ANK3: variants seen among roughly 807,000 people sequenced by gnomAD.
ANK3 encodes the protein ankyrin-3.
ANK3 carries 57 observed loss-of-function variants against 370.9 expected under a neutral mutation model. That is an observed-to-expected ratio of 0.15 (90% CI 0.12 to 0.19). ANK3 has a LOEUF of 0.19. ANK3 is among the 10% of genes least tolerant of loss of function. The pLI is 1.00. For synonymous variants in ANK3, 1,929 were observed against 1,946.3 expected, an observed-to-expected ratio of 0.99 and a Z score of 0.23; for missense variants, 4,439 against 5,302.1, an observed-to-expected ratio of 0.84 and a Z score of 5.06.
chr10:60,089,266 A>G (rs2087541141), intron 28 of ANK3, among the ~76,000 whole-genome samples: 1 of 152,194 alleles, frequency 6.6e-6, no homozygotes, highest in African/African-American at 2.4e-5. Context: ...AGGGTTTACA[A>G]TCTGCTCATT....
At chr10:60,584,167 T>C (rs1436558771) in intron 2 of ANK3, among the ~76,000 whole-genome samples, 1 of 152,148 alleles carries the variant, frequency 6.6e-6, no homozygotes, top group East Asian at 1.9e-4. Context: ...GAGAGGAAGA[T>C]TGGGAATTAG....
intron 2 of ANK3, among the ~76,000 whole-genome samples, chr10:60,502,626 G>A (rs117285355): frequency 1.2e-3 from 184 of 152,076 alleles, no homozygotes; most frequent in East Asian, 7.7e-3. Flanking sequence ...GCTGCAGTGC[G>A]TGATGATTGT....
chr10:60,059,099 G>A (rs866779342), intron 41 of ANK3, among the ~76,000 whole-genome samples: 10 of 152,266 alleles, frequency 6.6e-5, no homozygotes, highest in Middle Eastern at 3.4e-3. Context: ...TAAAGACAAC[G>A]TATAAATCTT....
chr10:60,468,377 A>C (rs551507299), intron 2 of ANK3, among the ~76,000 whole-genome samples: 2 of 152,172 alleles, frequency 1.3e-5, no homozygotes, highest in Non-Finnish European at 2.9e-5. Flanking sequence ...TTAAGTAAAA[A>C]TGTGGAGAAG....
At chr10:60,036,536 C>T (rs1037289091) in intron 43 of ANK3, among the ~76,000 whole-genome samples, 11 of 146,482 alleles carry the variant, frequency 7.5e-5, no homozygotes, top group Non-Finnish European at 1.3e-4. Flanking sequence ...CCCAGGTTCA[C>T]GCCATTCTCC....
At chr10:60,187,048 T>C (rs2096357166) in intron 16 of ANK3, 136 bp from the exon 17 acceptor site, 2 of 806,664 alleles carry the variant, frequency 2.5e-6, no homozygotes, top group Non-Finnish European at 4.0e-6. Context: ...AAGCAAATAC[T>C]GGTAAACCAA....
Position 60,186,710 on chromosome 10 carries a change from G to T in ANK3, c.2085+5C>A, listed in dbSNP as rs746845905. 2 of 1,613,756 alleles carry T rather than the reference G, an allele frequency of 1.2e-6. No individual in the cohort carries two copies. The highest frequency in any genetic ancestry group is 4.5e-5 in the East Asian group (2 of 44,856). ...GCATGCTTTGTCAAGAAAGAAGTGG[G>T]TTACCTTATTGCTCAGGTTCACATT... On this transcript the variant is annotated splice_donor_5th_base_variant and intron_variant, in intron 17 of 43. Coordinates refer to ENST00000280772, the MANE Select transcript of ANK3 (RefSeq NM_020987.5).
intron 1 of ANK3, among the ~76,000 whole-genome samples, chr10:60,362,650 G>A (rs2058786504): frequency 1.3e-5 from 2 of 152,310 alleles, no homozygotes; most frequent in South Asian, 4.1e-4. Context: ...AGGATGGAAT[G>A]TCAGGTGGAA....
intron 7 of ANK3, among the ~76,000 whole-genome samples, chr10:60,253,248 T>G (rs1315495014): frequency 6.6e-6 from 1 of 152,146 alleles, no homozygotes; most frequent in Admixed American, 6.5e-5. Flanking sequence ...GGCTGATGTC[T>G]CTCTCATTTG....
rs557280144 is a variant in ANK3 at position 60,068,770 on chromosome 10, C to T, written c.12111G>A (p.Ser4037=). 96 of 1,614,190 alleles carry T rather than the reference C, an allele frequency of 5.9e-5. No individual in the cohort carries two copies. Among genetic ancestry groups the T allele is most frequent in the South Asian group, 4.4e-4 (40 of 91,080 alleles). Residue 4037 remains serine, a synonymous_variant, in exon 37 of 44, where the codon TCG becomes TCA. Coordinates refer to ENST00000280772, the MANE Select transcript of ANK3 (RefSeq NM_020987.5). ...DEEESTSRNT[S]LSETSRGGQP... is the part of the protein sequence containing the mutation. ...GGCCACCCCGGGAAGTCTCGGACAA[C>T]GACGTGTTTCTTGAGGTACTTTCTT...
chr10:60,242,392 CT>C (rs1341861429), intron 7 of ANK3, among the ~76,000 whole-genome samples: 1 of 152,132 alleles, frequency 6.6e-6, no homozygotes, highest in Non-Finnish European at 1.5e-5. Context: ...AAAAGGTCAT[CT>C]AACTCCAAAA....
At chr10:60,288,549 G>A (rs2040563431) in intron 1 of ANK3, among the ~76,000 whole-genome samples, 1 of 152,090 alleles carries the variant, frequency 6.6e-6, no homozygotes, top group Non-Finnish European at 1.5e-5. Flanking sequence ...GGTCAGTGGA[G>A]AATAAAAGGA....
At chr10:60,328,211 G>T (rs777941842) in intron 1 of ANK3, among the ~76,000 whole-genome samples, 3 of 152,230 alleles carry the variant, frequency 2.0e-5, no homozygotes, top group South Asian at 4.1e-4. Context: ...AATACAACAA[G>T]AAATAGAAGT....
rs551292702 is a variant in ANK3 at position 60,698,992 on chromosome 10, A to G, written c.57+34271T>C. On this transcript the variant is annotated intron_variant, in intron 1 of 43. Coordinates refer to the ANK3 transcript ENST00000373827. ...AGACATTCACAGTGACCTGGATGAG[A>G]TTGGAGACTATAATTCTAAGTGAAG... Among the ~76,000 whole-genome samples, 9 of 151,970 alleles carry G rather than the reference A, an allele frequency of 5.9e-5. No homozygotes were observed. In the South Asian group the frequency reaches 1.7e-3, roughly 28 times the overall value.
intron 2 of ANK3, among the ~76,000 whole-genome samples, chr10:60,537,077 T>G (rs943133165): frequency 1.3e-5 from 2 of 151,820 alleles, no homozygotes; most frequent in African/African-American, 2.4e-5. Flanking sequence ...GGGAAAAAAA[T>G]GTCAAAAAAT....
At chr10:60,058,399 T>C (rs561620775) in intron 41 of ANK3, among the ~76,000 whole-genome samples, 1 of 149,490 alleles carries the variant, frequency 6.7e-6, no homozygotes, top group South Asian at 2.1e-4. Flanking sequence ...CAGGAAATTA[T>C]TTTGGGTAAA....
upstream of ANK3, among the ~76,000 whole-genome samples, chr10:60,392,170 C>T (rs1311685710): frequency 1.3e-5 from 2 of 152,160 alleles, no homozygotes; most frequent in East Asian, 3.9e-4. Context: ...AACACAAAGG[C>T]ATTGACTCAA....
chr10:60,416,872 C>T (rs766869129), intron 2 of ANK3, among the ~76,000 whole-genome samples: 3 of 152,096 alleles, frequency 2.0e-5, no homozygotes, highest in Admixed American at 2.0e-4. Context: ...ATCCATGAAA[C>T]CGTACACTTA....
At chr10:60,331,583 A>G (rs534857367) in intron 1 of ANK3, among the ~76,000 whole-genome samples, 3 of 151,800 alleles carry the variant, frequency 2.0e-5, no homozygotes, top group African/African-American at 7.2e-5. Flanking sequence ...AAAAAAAAAA[A>G]AAAACAAAAA....
Sources: allele counts gnomAD v4.1 joint callset (sites outside exome capture counted in the v4.1 genomes callset), GRCh38; gene constraint gnomAD v4.1.1; transcripts MANE v1.5; gene names NCBI Gene and HGNC (gene_info 2026-07-23, HGNC 2026-07-21).